The following RBM19 variants were observed in gnomAD, a reference collection of about 807,000 sequenced individuals.
RBM19 encodes the protein RNA binding motif protein 19.
Under a neutral mutation model 116.8 loss-of-function variants are expected in RBM19, and 94 were observed. The ratio of observed to expected loss-of-function variants is 0.80; its 90% CI spans 0.68 to 0.95. RBM19 has a LOEUF of 0.95. Among genes scored for constraint, RBM19 ranks in the 40% least tolerant of loss-of-function variants. The probability of loss-of-function intolerance (pLI) is 0.00; values close to 1 mark genes in which losing one functional copy is unlikely to be tolerated. For synonymous variants in RBM19, 475 were observed against 494.1 expected (o/e 0.96, Z 0.51); for missense variants, 1,161 against 1,220.7 (o/e 0.95, Z 0.73).
chr12:113,841,446 T>C (rs2135712713), intron 23 of RBM19, among the ~76,000 whole-genome samples: 1 of 144,198 alleles, frequency 6.9e-6, no homozygotes, highest in Admixed American at 7.2e-5. Context: ...TTTTTTGAGA[T>C]GGAGTCTCGC....
chr12:113,914,994 T>C lies in RBM19; in HGVS notation c.2533A>G (p.Ser845Gly). 6.2e-7 allele frequency: 1 copy of C among 1,614,156 alleles called. No homozygotes were observed. Among genetic ancestry groups the C allele is most frequent in the South Asian group, 1.1e-5 (1 of 91,076 alleles). ...CTGAAGAGCTCTCGGATCTCCCGGC[T>C]GTGGGCCTGGAAGGGGATGTTCCGC... ...LVRNIPFQAH[S>G]REIRELFSTF... The change falls in exon 21 of 24, where the codon AGC becomes GGC. Residue 845 changes from serine to glycine, a missense_variant. Transcript: ENST00000261741.
chr12:113,947,279 T>C (rs1252793949), intron 11 of RBM19, 55 bp downstream of exon 11: 5 of 1,530,844 alleles, frequency 3.3e-6, no homozygotes, highest in Non-Finnish European at 4.4e-6. Flanking sequence ...CACACCAGCC[T>C]TTCCCGACCA....
chr12:113,858,183 T>C (rs1001131055), intron 22 of RBM19, among the ~76,000 whole-genome samples: 2 of 152,230 alleles, frequency 1.3e-5, no homozygotes, highest in African/African-American at 4.8e-5. Flanking sequence ...GAGCAAAGCC[T>C]GGCTGTGCTG....
chr12:113,844,883 C>T, intron 22 of RBM19, 95 bp from the exon 23 acceptor site: 1 of 1,469,390 alleles, frequency 6.8e-7, no homozygotes, highest in Non-Finnish European at 9.1e-7. Context: ...GTCTCAGATG[C>T]CAAAGCCCAG....
Position 113,870,607 on chromosome 12 carries a change from A to G in RBM19, c.2559-11711T>C, listed in dbSNP as rs368053620. 7.2e-5 allele frequency among the ~76,000 whole-genome samples: 11 copies of G among 152,264 alleles called. No individual in the cohort carries two copies. In the South Asian group the frequency reaches 1.2e-3, roughly 17 times the overall value. ...GCTATCAATGGAAAAGCAGAGCAAC[A>G]AGATCTTACAAATACAGGGAGAATG... On this transcript the variant is annotated intron_variant, in intron 21 of 23. Coordinates refer to ENST00000261741, the MANE Select transcript of RBM19 (RefSeq NM_016196.4).
intron 22 of RBM19, among the ~76,000 whole-genome samples, chr12:113,851,881 T>A (rs2135729338): frequency 6.6e-6 from 1 of 151,998 alleles, no homozygotes; most frequent in South Asian, 2.1e-4. Context: ...AGAAACCCCG[T>A]CTCTACTAAA....
At chr12:113,909,473 T>C (rs1247791432) in intron 21 of RBM19, among the ~76,000 whole-genome samples, 2 of 152,160 alleles carry the variant, frequency 1.3e-5, no homozygotes, top group Admixed American at 6.5e-5. Context: ...AAAAGCTAAT[T>C]GCCCAAAGCC....
intron 16 of RBM19, among the ~76,000 whole-genome samples, chr12:113,935,954 TCAACC>T (rs1293549939): frequency 2.0e-5 from 3 of 151,972 alleles, no homozygotes; most frequent in African/African-American, 7.3e-5. Flanking sequence ...GAGAATTGCT[TCAACC>T]CAGGAGGCAG....
rs1204197496 is a variant in RBM19 at position 113,959,312 on chromosome 12, C to A, written c.471G>T (p.Glu157Asp). 1 of 1,613,976 alleles carries A rather than the reference C, an allele frequency of 6.2e-7. No homozygotes were observed. The highest frequency in any genetic ancestry group is 1.3e-5 in the African/African-American group (1 of 74,930). The change falls in exon 5 of 24, where the codon GAG becomes GAT. Residue 157 changes from glutamate (E) to aspartate (D), a missense_variant. Glu to Asp is a conservative substitution (Grantham distance 45). Transcript: ENST00000261741. The part of the protein sequence containing the change: ...ATWANDGLDA[E>D]PSKGKSKPAS... ...CCGGCTTGCTCTTCCCTTTCGAGGG[C>A]TCAGCATCCAGGCCATCATTCGCCC...
At chr12:113,867,957 T>C (rs1426789663) in intron 21 of RBM19, among the ~76,000 whole-genome samples, 3 of 151,726 alleles carry the variant, frequency 2.0e-5, no homozygotes, top group Admixed American at 6.6e-5. Context: ...AAATAGGAAA[T>C]GTAGAAGGAT....
At chr12:113,826,029 G>A (rs1457397662) in intron 23 of RBM19, among the ~76,000 whole-genome samples, 2 of 152,154 alleles carry the variant, frequency 1.3e-5, no homozygotes, top group Admixed American at 6.5e-5. Context: ...CAGGCACTCG[G>A]GCCCCTTGCT....
intron 21 of RBM19, among the ~76,000 whole-genome samples, chr12:113,877,469 C>T (rs1007368908): frequency 2.6e-5 from 4 of 152,174 alleles, no homozygotes; most frequent in Non-Finnish European, 1.5e-5. Flanking sequence ...TGTCTTCTCC[C>T]CGGCCATGGT....
At chr12:113,872,514 G>A (rs1440915357) in intron 21 of RBM19, among the ~76,000 whole-genome samples, 2 of 134,122 alleles carry the variant, frequency 1.5e-5, no homozygotes, top group African/African-American at 5.3e-5. Flanking sequence ...CCATCCGGGA[G>A]GGAGGTGGGG....
chr12:113,916,171 G>A (rs1882758173), intron 20 of RBM19, among the ~76,000 whole-genome samples: 1 of 152,182 alleles, frequency 6.6e-6, no homozygotes, highest in Non-Finnish European at 1.5e-5. Flanking sequence ...AACACTTTGG[G>A]AGGCTTAGGT....
At chr12:113,895,434 G>A (rs1881252909) in intron 21 of RBM19, among the ~76,000 whole-genome samples, 2 of 152,174 alleles carry the variant, frequency 1.3e-5, no homozygotes, top group Admixed American at 1.3e-4. Flanking sequence ...GGCCTCCTGA[G>A]AGTGAAGGAT....
rs183119932 is a variant in RBM19 at position 113,841,958 on chromosome 12, T to A, written c.2785+2710A>T. 2.0e-5 allele frequency among the ~76,000 whole-genome samples: 3 copies of A among 152,332 alleles called. No homozygotes were observed. In the East Asian group the frequency reaches 5.8e-4, roughly 29 times the overall value. Reference sequence around the variant, plus strand: ...TTAATAAACAGTAGTCGTCATAAATTACTGCAGTGCTTGGCAGGCCTCAGT... The same window carrying A: ...TTAATAAACAGTAGTCGTCATAAATAACTGCAGTGCTTGGCAGGCCTCAGT... On this transcript the variant is annotated intron_variant, in intron 23 of 23. Transcript: ENST00000261741.
intron 21 of RBM19, among the ~76,000 whole-genome samples, chr12:113,890,112 C>T (rs1350852146): frequency 2.0e-5 from 3 of 152,242 alleles, no homozygotes; most frequent in Admixed American, 1.3e-4. Context: ...GATCCTCTCT[C>T]ATTCCCCCCT....
At chr12:113,875,880 C>G (rs571025929) in intron 21 of RBM19, among the ~76,000 whole-genome samples, 1 of 152,130 alleles carries the variant, frequency 6.6e-6, no homozygotes, top group Non-Finnish European at 1.5e-5. Context: ...GGAGAGGGGC[C>G]GTTTGTGTGA....
intron 21 of RBM19, among the ~76,000 whole-genome samples, chr12:113,901,745 C>T (rs1033440215): frequency 1.3e-5 from 2 of 152,038 alleles, no homozygotes; most frequent in Non-Finnish European, 2.9e-5. Context: ...GAACTCCTGA[C>T]CTCAGGTGAT....
Sources: allele counts gnomAD v4.1 joint callset (sites outside exome capture counted in the v4.1 genomes callset), GRCh38; gene constraint gnomAD v4.1.1; transcripts MANE v1.5; gene names NCBI Gene and HGNC (gene_info 2026-07-23, HGNC 2026-07-21).